C6orf118: variants seen among roughly 807,000 people sequenced by gnomAD.
The protein encoded by C6orf118 is uncharacterized protein C6orf118.
A neutral mutation model predicts 50.2 loss-of-function variants in C6orf118; 50 were observed. That is an observed-to-expected ratio of 1.00 (90% confidence interval 0.79 to 1.26). The LOEUF is 1.26. C6orf118 is among the 50% of genes most tolerant of loss of function. C6orf118 has a pLI of 0.00. For synonymous variants in C6orf118, 239 were observed against 230.9 expected (o/e 1.03, Z -0.32); for missense variants, 641 against 578.7 (o/e 1.11, Z -1.10).
intron 3 of C6orf118, among the ~76,000 whole-genome samples, chr6:165,299,977 C>T (rs1038443054): frequency 6.6e-6 from 1 of 152,168 alleles, no homozygotes; most frequent in African/African-American, 2.4e-5. Context: ...AGCCACAGCA[C>T]CCAAAAATCA....
Position 165,302,223 on chromosome 6 carries a change from T to G in C6orf118, c.99A>C (p.Pro33=). 6.2e-7 allele frequency: 1 copy of G among 1,613,870 alleles called. No homozygotes were observed. Among genetic ancestry groups the G allele is most frequent in the Non-Finnish European group, 8.5e-7 (1 of 1,179,892 alleles). ...TLCNLKHCET[P]GVKTLCNLKK... is the part of the protein sequence containing the mutation. ...TCAGATTACACAGGGTCTTCACTCC[T>G]GGCGTCTCGCAGTGCTTCAGATTAC... Residue 33 remains proline (P), a synonymous_variant, in exon 2 of 9, where the codon CCA becomes CCC. Transcript: ENST00000230301.
chr6:165,280,901 T>C (rs1779707171), intron 8 of C6orf118, among the ~76,000 whole-genome samples: 1 of 152,154 alleles, frequency 6.6e-6, no homozygotes, highest in African/African-American at 2.4e-5. Context: ...AAAAATCTTT[T>C]TCCTGTTGAT....
intron 6 of C6orf118, among the ~76,000 whole-genome samples, chr6:165,291,955 C>A (rs1486384831): frequency 1.3e-5 from 2 of 152,078 alleles, no homozygotes; most frequent in African/African-American, 2.4e-5. Flanking sequence ...TTCAACTTTG[C>A]CAAATTTGGA....
At chr6:165,283,751 A>C (rs533915172) in intron 7 of C6orf118, among the ~76,000 whole-genome samples, 1 of 152,320 alleles carries the variant, frequency 6.6e-6, no homozygotes, top group Admixed American at 6.5e-5. Flanking sequence ...CCTGTTAAAA[A>C]AGCAAACAAA....
chr6:165,292,595 G>C (rs1416251789), intron 6 of C6orf118, among the ~76,000 whole-genome samples: 1 of 152,118 alleles, frequency 6.6e-6, no homozygotes, highest in African/African-American at 2.4e-5. Context: ...ACCAAGCATG[G>C]GTCCTATTTC....
rs1053205337 is a variant in C6orf118 at position 165,301,733 on chromosome 6, C to A, written c.589G>T (p.Asp197Tyr). The A allele has an allele frequency of 1.2e-6, 2 of 1,614,122 alleles. No homozygotes were observed. Among genetic ancestry groups the A allele is most frequent in the Admixed American group, 3.3e-5 (2 of 60,024 alleles). The change falls in exon 2 of 9, where the codon GAC becomes TAC. Residue 197 changes from aspartate (D) to tyrosine (Y), a missense_variant. Physicochemically the swap from Asp to Tyr is radical, Grantham distance 160. Transcript: ENST00000230301. ...YQEAGSRGTR[D>Y]RHHYVSSYLA... ...TAGGAGCTGACATAGTGGTGCCGGT[C>A]CCTGGTGCCTCTGGACCCGGCCTCC...
intron 6 of C6orf118, among the ~76,000 whole-genome samples, chr6:165,292,732 G>A (rs1583010896): frequency 1.3e-5 from 2 of 152,170 alleles, no homozygotes; most frequent in African/African-American, 4.8e-5. Flanking sequence ...AGAACAGGCG[G>A]GACAAGGGGA....
rs753247816 is a variant in C6orf118 at position 165,301,781 on chromosome 6, C to T, written c.541G>A (p.Asp181Asn). 3.7e-6 allele frequency: 6 copies of T among 1,614,026 alleles called. No homozygotes were observed. Among genetic ancestry groups the T allele is most frequent in the Non-Finnish European group, 5.1e-6 (6 of 1,180,014 alleles). Residue 181 changes from aspartate to asparagine, a missense_variant, in exon 2 of 9, where the codon GAC becomes AAC. Coordinates refer to ENST00000230301, the MANE Select transcript of C6orf118 (RefSeq NM_144980.4). Reference protein sequence around the residue: ...WRRREELRLPDLKVLCYQEAG... With the variant: ...WRRREELRLPNLKVLCYQEAG... ...TCCTGGTAGCACAGCACCTTCAAGT[C>T]GGGCAGCCGGAGTTCTTCCCTCCTG...
intron 5 of C6orf118, among the ~76,000 whole-genome samples, chr6:165,296,939 T>C (rs746620846): frequency 6.6e-6 from 1 of 152,182 alleles, no homozygotes; most frequent in Non-Finnish European, 1.5e-5. Context: ...CGAGGGCTTC[T>C]GCCAGTATAG....
At chr6:165,286,032 C>G (rs1280325761) in intron 7 of C6orf118, among the ~76,000 whole-genome samples, 1 of 150,674 alleles carries the variant, frequency 6.6e-6, no homozygotes, top group African/African-American at 2.4e-5. Context: ...AGACCACTAG[C>G]TAGATTAATA....
Position 165,293,487 on chromosome 6 carries a change from A to C in C6orf118, c.1062-16T>G. 1 of 1,606,740 alleles carries C rather than the reference A, an allele frequency of 6.2e-7. No homozygotes were observed. The highest frequency in any genetic ancestry group is 1.7e-5 in the Admixed American group (1 of 59,686). On this transcript the variant is annotated splice_polypyrimidine_tract_variant and intron_variant, in intron 5 of 8. Coordinates refer to ENST00000230301, the MANE Select transcript of C6orf118 (RefSeq NM_144980.4). ...ACTTCTGAGTCTACAATGTGAGGAT[A>C]AACAATAGGGAAATATTAGATCCCC...
chr6:165,291,109 C>G (rs538611352), intron 6 of C6orf118, among the ~76,000 whole-genome samples: 1 of 152,168 alleles, frequency 6.6e-6, no homozygotes, highest in Non-Finnish European at 1.5e-5. Flanking sequence ...GTCCCTCCCA[C>G]AACACATAGG....
intron 6 of C6orf118, 29 bp downstream of exon 6, chr6:165,293,384 A>G (rs1468485970): frequency 6.2e-7 from 1 of 1,609,502 alleles, no homozygotes; most frequent in South Asian, 1.1e-5. Flanking sequence ...CAAAGCACCC[A>G]TAAGGAAGGA....
chr6:165,306,284 T>C (rs1311578512), intron 1 of C6orf118, among the ~76,000 whole-genome samples: 1 of 60,578 alleles, frequency 1.7e-5, no homozygotes, highest in African/African-American at 6.5e-5. Flanking sequence ...TGAGATCACA[T>C]GGACACAGGA....
chr6:165,300,280 T>G (rs1780469380), intron 3 of C6orf118, 84 bp downstream of exon 3: 1 of 1,525,838 alleles, frequency 6.6e-7, no homozygotes, highest in Non-Finnish European at 8.9e-7. Context: ...CCTAGCAGAA[T>G]TTCAGTGCGG....
At chr6:165,283,931 T>C (rs1779822674) in intron 7 of C6orf118, among the ~76,000 whole-genome samples, 1 of 152,136 alleles carries the variant, frequency 6.6e-6, no homozygotes, top group Non-Finnish European at 1.5e-5. Context: ...CTCCAAATGA[T>C]CTCAACACCT....
chr6:165,290,976 G>A (rs1483122519), intron 6 of C6orf118, among the ~76,000 whole-genome samples: 1 of 152,170 alleles, frequency 6.6e-6, no homozygotes, highest in Non-Finnish European at 1.5e-5. Context: ...CAGCCAAAGA[G>A]AGAATGAGAA....
chr6:165,282,924 T>C (rs1017728261), intron 7 of C6orf118, among the ~76,000 whole-genome samples: 1 of 152,188 alleles, frequency 6.6e-6, no homozygotes, highest in African/African-American at 2.4e-5. Context: ...AATATTTAAA[T>C]TTAGAACCCA....
At chr6:165,282,532 A>G (rs941927204) in intron 7 of C6orf118, among the ~76,000 whole-genome samples, 13 of 152,132 alleles carry the variant, frequency 8.5e-5, no homozygotes, top group Admixed American at 6.5e-5. Context: ...GTACTTCAAA[A>G]AGAGGATTAA....
Sources: allele counts gnomAD v4.1 joint callset (sites outside exome capture counted in the v4.1 genomes callset), GRCh38; gene constraint gnomAD v4.1.1; transcripts MANE v1.5; gene names NCBI Gene and HGNC (gene_info 2026-07-23, HGNC 2026-07-21).